Variants in CSMD1 observed in about 807,000 individuals in gnomAD.
CSMD1 encodes the protein CUB and sushi domain-containing protein 1.
CSMD1 carries 213 observed loss-of-function variants against 417.5 expected under a neutral mutation model. That is an observed-to-expected ratio of 0.51 (90% confidence interval 0.46 to 0.57). CSMD1 has a LOEUF of 0.57. Among genes scored for constraint, CSMD1 ranks in the 20% least tolerant of loss-of-function variants. The probability of loss-of-function intolerance (pLI) is 0.00; values close to 1 mark genes in which losing one functional copy is unlikely to be tolerated. For missense variants in CSMD1, 6,923 were observed against 4,529.7 expected, an observed-to-expected ratio of 1.53 and a Z score of -15.17; for synonymous variants, 2,862 against 1,736.8, an observed-to-expected ratio of 1.65 and a Z score of -16.11.
At chr8:3,183,164 A>G (rs1388317863) in intron 36 of CSMD1, 1 of 144,840 alleles carries the variant, frequency 6.9e-6, no homozygotes, top group East Asian at 2.0e-4. Context: ...TCCCTGAAAC[A>G]TCGAGTAGGT....
At chr8:3,954,630 G>A (rs1431620407) in intron 5 of CSMD1, among the ~76,000 whole-genome samples, 1 of 152,192 alleles carries the variant, frequency 6.6e-6, no homozygotes, top group Admixed American at 6.5e-5. Flanking sequence ...CCAAAGTTTT[G>A]GGATTACAGG....
chr8:4,314,822 A>G (rs1798826789), intron 3 of CSMD1, among the ~76,000 whole-genome samples: 1 of 152,184 alleles, frequency 6.6e-6, no homozygotes, highest in African/African-American at 2.4e-5. Flanking sequence ...GAAAAGGGCA[A>G]AGGATTTTGT....
chr8:4,955,116 T>C (rs1044643658), intron 1 of CSMD1, among the ~76,000 whole-genome samples: 3 of 152,124 alleles, frequency 2.0e-5, no homozygotes, highest in African/African-American at 7.2e-5. Context: ...TGGCTTTAAA[T>C]GGGACTCTTT....
Position 3,906,852 on chromosome 8 carries a change from G to C in CSMD1, c.818+91051C>G, listed in dbSNP as rs141070914. Among the ~76,000 whole-genome samples, 412 of 152,142 alleles carry C rather than the reference G, an allele frequency of 2.7e-3. 1 individual carries two copies. The highest frequency in any genetic ancestry group is 9.4e-3 in the African/African-American group (389 of 41,522). ...TCAAGAAGGACAGCATTGTCATTTT[G>C]TACATAAAGTAAAAGTATTAGTACC... On this transcript the variant is annotated intron_variant, in intron 5 of 69. Coordinates refer to ENST00000635120, the MANE Select transcript of CSMD1 (RefSeq NM_033225.6).
chr8:4,980,806 A>G (rs2117430490), intron 1 of CSMD1, among the ~76,000 whole-genome samples: 1 of 152,130 alleles, frequency 6.6e-6, no homozygotes, highest in Non-Finnish European at 1.5e-5. Context: ...TTGGGGGCTG[A>G]CACGGGAGGA....
intron 3 of CSMD1, among the ~76,000 whole-genome samples, chr8:4,330,614 T>C (rs542890414): frequency 4.6e-5 from 7 of 151,828 alleles, no homozygotes; most frequent in African/African-American, 1.2e-4. Flanking sequence ...TATTTTGTAA[T>C]AGCTCATAAA....
At chr8:3,395,766 C>G (rs1172670443) in intron 17 of CSMD1, among the ~76,000 whole-genome samples, 1 of 152,180 alleles carries the variant, frequency 6.6e-6, no homozygotes, top group African/African-American at 2.4e-5. Context: ...TATCTATACT[C>G]AGATTCGGTA....
At chr8:3,534,991 A>T (rs1326578620) in intron 10 of CSMD1, among the ~76,000 whole-genome samples, 1 of 152,208 alleles carries the variant, frequency 6.6e-6, no homozygotes, top group African/African-American at 2.4e-5. Context: ...TTTGTCGCCC[A>T]GGCTGGAGTG....
intron 3 of CSMD1, among the ~76,000 whole-genome samples, chr8:4,173,472 G>T (rs941035170): frequency 1.3e-5 from 2 of 152,080 alleles, no homozygotes; most frequent in Non-Finnish European, 2.9e-5. Context: ...GAGATAGTAA[G>T]TTGGATCTAG....
At chr8:4,008,031 G>C (rs560062484) in intron 4 of CSMD1, among the ~76,000 whole-genome samples, 2 of 152,116 alleles carry the variant, frequency 1.3e-5, no homozygotes, top group Admixed American at 6.5e-5. Context: ...GTGTGTTTTT[G>C]CTTTGCTTGT....
intron 4 of CSMD1, among the ~76,000 whole-genome samples, chr8:4,006,515 C>A (rs897544152): frequency 6.6e-6 from 1 of 152,028 alleles, no homozygotes; most frequent in Non-Finnish European, 1.5e-5. Context: ...CTGCACTTGG[C>A]CTGAGCGACA....
At chr8:3,132,428 CAAT>C (rs1377485050) in intron 41 of CSMD1, among the ~76,000 whole-genome samples, 3 of 151,960 alleles carry the variant, frequency 2.0e-5, no homozygotes, top group South Asian at 2.1e-4. Flanking sequence ...TAAAATACTA[CAAT>C]AATGTTTTAT....
chr8:4,739,319 G>A lies in CSMD1; in HGVS notation c.86-101761C>T, dbSNP rs576235660. Among the ~76,000 whole-genome samples, 5 of 152,264 alleles carry A rather than the reference G, an allele frequency of 3.3e-5. No individual in the cohort carries two copies. The South Asian group carries it at 1.0e-3, about 32-fold the overall frequency. ...TAACAGAGCATAGCCATAGTTGACA[G>A]AACTAGATATTTTATGGAGGAATTT... is the stretch of plus-strand genomic sequence containing the variant. On this transcript the variant is annotated intron_variant, in intron 1 of 69. Coordinates refer to ENST00000635120, the MANE Select transcript of CSMD1 (RefSeq NM_033225.6).
At chr8:4,372,669 T>C (rs1802466395) in intron 3 of CSMD1, among the ~76,000 whole-genome samples, 1 of 150,544 alleles carries the variant, frequency 6.6e-6, no homozygotes, top group Admixed American at 6.6e-5. Flanking sequence ...AAAGCCACAT[T>C]GATGCAGGCC....
At chr8:3,462,929 C>G (rs1054202260) in intron 12 of CSMD1, among the ~76,000 whole-genome samples, 1 of 152,116 alleles carries the variant, frequency 6.6e-6, no homozygotes, top group Admixed American at 6.5e-5. Flanking sequence ...AGGGTGGAGC[C>G]CCTGTGAACA....
intron 8 of CSMD1, among the ~76,000 whole-genome samples, chr8:3,615,492 G>A (rs1015943790): frequency 6.6e-6 from 1 of 152,092 alleles, no homozygotes; most frequent in African/African-American, 2.4e-5. Flanking sequence ...TAATATATTA[G>A]TCAAGATGTG....
intron 10 of CSMD1, among the ~76,000 whole-genome samples, chr8:3,572,643 C>T (rs575011336): frequency 4.9e-4 from 75 of 152,188 alleles, no homozygotes; most frequent in Non-Finnish European, 8.7e-4. Context: ...AGAGTTCCTT[C>T]TGCCTCTCAA....
chr8:4,508,741 T>C (rs561778599), intron 2 of CSMD1, among the ~76,000 whole-genome samples: 2 of 152,198 alleles, frequency 1.3e-5, no homozygotes, highest in East Asian at 1.9e-4. Flanking sequence ...TGTACTGAAA[T>C]GTAAAGATGT....
At chr8:4,555,489 G>T (rs977626588) in intron 2 of CSMD1, among the ~76,000 whole-genome samples, 3 of 152,136 alleles carry the variant, frequency 2.0e-5, no homozygotes, top group Non-Finnish European at 4.4e-5. Flanking sequence ...GGTGAAGCTA[G>T]CCTTCCTGCC....
Sources: gnomAD v4.1 joint callset for allele counts (sites outside exome capture counted in the v4.1 genomes callset) on GRCh38, gnomAD v4.1.1 for gene constraint, MANE v1.5 for transcripts, NCBI Gene and HGNC (gene_info 2026-07-23, HGNC 2026-07-21) for gene names.